SNX24: variants seen among roughly 807,000 people sequenced by gnomAD.
The protein encoded by SNX24 is sorting nexin 24.
A neutral mutation model predicts 28.7 loss-of-function variants in SNX24; 22 were observed. The observed-to-expected ratio is 0.77, with a 90% CI of 0.55 to 1.10. The LOEUF is 1.10. SNX24 is among the 50% of genes least tolerant of loss of function. The probability of loss-of-function intolerance (pLI) is 0.00; values close to 1 mark genes in which losing one functional copy is unlikely to be tolerated. For missense variants in SNX24, 221 were observed against 201.1 expected (o/e 1.10, Z -0.60); for synonymous variants, 69 against 71.5 (o/e 0.96, Z 0.18).
chr5:122,856,340 A>G (rs6888751), intron 1 of SNX24, among the ~76,000 whole-genome samples: 61,349 of 151,924 alleles, frequency 0.4, 13,040 homozygotes, highest in African/African-American at 0.5. Flanking sequence ...TCCATGGCGT[A>G]TATGTACCGA....
chr5:122,937,634 G>A (rs1759234985), intron 2 of SNX24, among the ~76,000 whole-genome samples: 1 of 152,174 alleles, frequency 6.6e-6, no homozygotes, highest in South Asian at 2.1e-4. Flanking sequence ...AGATTAGTGA[G>A]ACTGTTTCCT....
chr5:122,917,372 A>G (rs1366215844), intron 1 of SNX24, among the ~76,000 whole-genome samples: 1 of 152,174 alleles, frequency 6.6e-6, no homozygotes, highest in Non-Finnish European at 1.5e-5. Flanking sequence ...AAAATACTCT[A>G]TCTCATTTGA....
intron 6 of SNX24, among the ~76,000 whole-genome samples, chr5:123,002,493 G>T (rs969574395): frequency 6.6e-6 from 1 of 152,110 alleles, no homozygotes; most frequent in African/African-American, 2.4e-5. Flanking sequence ...TTAGCCGGGC[G>T]TGGTGGCCGG....
In SNX24 at chr5:122,912,818, A is replaced by G. The variant is rs1757951812; in HGVS notation, c.61-23916A>G. Among the ~76,000 whole-genome samples, 3 of 149,968 alleles carry G rather than the reference A, an allele frequency of 2.0e-5. No homozygotes were observed. The Admixed American group carries it at 2.0e-4, about 10-fold the overall frequency. ...CAGGGTCTAGGACAGTAGTGGAGGGAAGGTCAGCAGATAAACAAGTGAACA... is the reference window on the plus strand; with the variant it reads ...CAGGGTCTAGGACAGTAGTGGAGGGGAGGTCAGCAGATAAACAAGTGAACA... On this transcript the variant is annotated intron_variant, in intron 1 of 6. Coordinates refer to ENST00000261369, the MANE Select transcript of SNX24 (RefSeq NM_014035.4).
downstream of SNX24, among the ~76,000 whole-genome samples, chr5:123,009,526 T>C (rs1339188739): frequency 2.6e-5 from 4 of 152,258 alleles, no homozygotes; most frequent in Non-Finnish European, 4.4e-5. Context: ...TATATTTATG[T>C]AAATTTTATT....
intron 4 of SNX24, 108 bp from the exon 5 acceptor site, chr5:123,001,297 C>G (rs1173938279): frequency 1.4e-6 from 1 of 736,934 alleles, no homozygotes; most frequent in Non-Finnish European, 2.3e-6. Flanking sequence ...TAAAAAATAA[C>G]TACCAATTCA....
At chr5:122,907,605 G>A (rs941594013) in intron 1 of SNX24, among the ~76,000 whole-genome samples, 5 of 152,068 alleles carry the variant, frequency 3.3e-5, no homozygotes, top group African/African-American at 1.2e-4. Context: ...TTTATACTTT[G>A]CGGTCATTTA....
At chr5:122,952,892 G>A (rs1384456752) in intron 3 of SNX24, among the ~76,000 whole-genome samples, 1 of 152,036 alleles carries the variant, frequency 6.6e-6, no homozygotes, top group Non-Finnish European at 1.5e-5. Flanking sequence ...ATACAGAAAC[G>A]TCAAACAAAA....
intron 1 of SNX24, among the ~76,000 whole-genome samples, chr5:122,904,542 ATTATT>A (rs1452659510): frequency 1.3e-5 from 2 of 152,076 alleles, no homozygotes; most frequent in Non-Finnish European, 2.9e-5. Context: ...TTATTTTTTA[ATTATT>A]TTAAGTTCTT....
intron 1 of SNX24, among the ~76,000 whole-genome samples, chr5:122,901,405 G>A (rs1205464392): frequency 1.3e-5 from 2 of 152,178 alleles, no homozygotes; most frequent in Admixed American, 1.3e-4. Flanking sequence ...TATAGGCTAT[G>A]TGAATAGATT....
At chr5:122,934,721 C>G (rs1759109904) in intron 1 of SNX24, among the ~76,000 whole-genome samples, 1 of 152,182 alleles carries the variant, frequency 6.6e-6, no homozygotes, top group African/African-American at 2.4e-5. Flanking sequence ...TGAACAACTT[C>G]CTTTCCAAGA....
intron 2 of SNX24, among the ~76,000 whole-genome samples, chr5:122,943,159 T>C (rs1200635003): frequency 6.6e-6 from 1 of 152,108 alleles, no homozygotes; most frequent in Non-Finnish European, 1.5e-5. Context: ...CTGCAAGCAA[T>C]TCTAAATTCC....
intron 1 of SNX24, among the ~76,000 whole-genome samples, chr5:122,923,776 A>G (rs1758551586): frequency 1.3e-5 from 2 of 152,182 alleles, no homozygotes; most frequent in Non-Finnish European, 2.9e-5. Flanking sequence ...TGCTCATAGA[A>G]AGGAGCCTGA....
At chr5:122,922,345 C>T (rs942647795) in intron 1 of SNX24, among the ~76,000 whole-genome samples, 1 of 152,114 alleles carries the variant, frequency 6.6e-6, no homozygotes, top group African/African-American at 2.4e-5. Flanking sequence ...TTCTGCCCCC[C>T]AGATTCAAGC....
chr5:123,028,892 T>C (rs1762902257), intron 5 of SNX24: 1 of 1,533,902 alleles, frequency 6.5e-7, no homozygotes, highest in Non-Finnish European at 9.0e-7. Flanking sequence ...TTCAGTTGAA[T>C]AACAAGTAAC....
chr5:122,955,205 T>G (rs1581793574), intron 3 of SNX24, among the ~76,000 whole-genome samples: 1 of 152,176 alleles, frequency 6.6e-6, no homozygotes, highest in South Asian at 2.1e-4. Context: ...ATTTTTTAGT[T>G]GTAAAATTCC....
intron 1 of SNX24, among the ~76,000 whole-genome samples, chr5:122,928,479 G>A (rs1758803462): frequency 6.6e-6 from 1 of 152,088 alleles, no homozygotes. Context: ...TAAGTGGAAG[G>A]GGAAAGCAGA....
intron 1 of SNX24, among the ~76,000 whole-genome samples, chr5:122,903,538 G>A (rs935961629): frequency 1.6e-4 from 24 of 152,312 alleles, no homozygotes; most frequent in Middle Eastern, 3.4e-3. Context: ...TGCAAATCAT[G>A]CTTTATGCAT....
chr5:123,027,669 T>C (rs528143331), intron 5 of SNX24, among the ~76,000 whole-genome samples: 93 of 152,352 alleles, frequency 6.1e-4, no homozygotes, highest in Middle Eastern at 3.4e-3. Context: ...AAGCACTTAA[T>C]AGTAGCCATT....
Sources: allele counts gnomAD v4.1 joint callset (sites outside exome capture counted in the v4.1 genomes callset), GRCh38; gene constraint gnomAD v4.1.1; transcripts MANE v1.5; gene names NCBI Gene and HGNC (gene_info 2026-07-23, HGNC 2026-07-21).